Variants in TXN observed in about 807,000 individuals in gnomAD.
TXN encodes the protein thioredoxin.
A neutral mutation model predicts 16.5 loss-of-function variants in TXN; 10 were observed. The ratio of observed to expected loss-of-function variants is 0.61; its 90% CI spans 0.37 to 1.03. The LOEUF (loss-of-function observed/expected upper bound fraction) is 1.03, where lower values mean the gene tolerates loss of function less well. TXN is among the 50% of genes least tolerant of loss of function. The probability of loss-of-function intolerance (pLI) is 0.01; values close to 1 mark genes in which losing one functional copy is unlikely to be tolerated. For synonymous variants in TXN, 35 were observed against 39.4 expected, an observed-to-expected ratio of 0.89 and a Z score of 0.42; for missense variants, 71 against 122.5, an observed-to-expected ratio of 0.58 and a Z score of 1.98.
At chr9:110,254,052 T>A (rs4135173) in intron 1 of TXN, among the ~76,000 whole-genome samples, 2,057 of 152,246 alleles carry the variant, frequency 0.014, 51 homozygotes, top group African/African-American at 0.046. Context: ...TCATTTTTTT[T>A]AAAAGTGTTT....
At chr9:110,250,941 C>T in intron 2 of TXN, 62 bp from the exon 3 acceptor site, 1 of 1,199,398 alleles carries the variant, frequency 8.3e-7, no homozygotes, top group Non-Finnish European at 1.2e-6. Context: ...AATCAACATA[C>T]CCAAGCTTCT....
rs1473213045 is a variant in TXN at position 110,256,470 on chromosome 9, A to T, written c.-35T>A. ...TGGAGTCTGACGAGCGGCTGTAAGGACCGATGGAAATGGATCCAAAGCACC... is the reference window on the plus strand; with the variant it reads ...TGGAGTCTGACGAGCGGCTGTAAGGTCCGATGGAAATGGATCCAAAGCACC... On this transcript the variant is annotated 5_prime_UTR_variant, in exon 1 of 5. Transcript: ENST00000374517. This position sits in a 1 kb window ranked among gnomAD's most constrained non-coding sequence, Gnocchi z 4.2. 3.8e-6 allele frequency: 6 copies of T among 1,599,062 alleles called. No homozygotes were observed. Among genetic ancestry groups the T allele is most frequent in the Non-Finnish European group, 5.1e-6 (6 of 1,172,958 alleles).
intron 3 of TXN, among the ~76,000 whole-genome samples, chr9:110,247,154 C>T (rs1837669398): frequency 6.6e-6 from 1 of 152,010 alleles, no homozygotes; most frequent in Non-Finnish European, 1.5e-5. Context: ...AAAATGCTGT[C>T]TCTACTAAAA....
chr9:110,244,249 A>G (rs1243506323), intron 4 of TXN, 30 bp from the exon 5 acceptor site: 2 of 1,437,954 alleles, frequency 1.4e-6, no homozygotes. Flanking sequence ...TTGACATTAG[A>G]CGTAGCACTG....
chr9:110,244,342 A>ATATATATACATATAC (rs1587919701), intron 4 of TXN, 123 bp from the exon 5 acceptor site: 1 of 180,450 alleles, frequency 5.5e-6, no homozygotes, highest in Non-Finnish European at 1.0e-5. Context: ...CATATGTATA[A>ATATATATACATATAC]ATATGTATTC....
intron 3 of TXN, among the ~76,000 whole-genome samples, chr9:110,246,043 C>G (rs918768207): frequency 1.3e-5 from 2 of 151,784 alleles, no homozygotes; most frequent in Non-Finnish European, 2.9e-5. Flanking sequence ...CCAGCCTGGG[C>G]GACAGAATGA....
At chr9:110,253,150 TAAAC>T (rs1316280379) in intron 1 of TXN, among the ~76,000 whole-genome samples, 3 of 124,198 alleles carry the variant, frequency 2.4e-5, no homozygotes, top group Admixed American at 8.2e-5. Context: ...AAAAACCAAA[TAAAC>T]AAAAAAAAAC....
chr9:110,251,171 G>C (rs1346174460), intron 2 of TXN, among the ~76,000 whole-genome samples, 187 bp downstream of exon 2: 1 of 152,106 alleles, frequency 6.6e-6, no homozygotes, highest in African/African-American at 2.4e-5. Flanking sequence ...TCTAAAATTT[G>C]TTTTCAATGG....
At chr9:110,245,602 T>C (rs111612286) in intron 3 of TXN, among the ~76,000 whole-genome samples, 824 of 62,486 alleles carry the variant, frequency 0.013, 57 homozygotes, top group African/African-American at 0.043. Flanking sequence ...TGTATATATA[T>C]ACACACACAC....
intron 1 of TXN, among the ~76,000 whole-genome samples, chr9:110,251,972 T>C (rs534559059): frequency 6.6e-6 from 1 of 152,214 alleles, no homozygotes; most frequent in African/African-American, 2.4e-5. Context: ...ACACCTGTAA[T>C]CTCAGCACTT....
chr9:110,251,686 G>T (rs1023651110), intron 1 of TXN, among the ~76,000 whole-genome samples: 6 of 148,374 alleles, frequency 4.0e-5, no homozygotes, highest in African/African-American at 1.5e-4. Context: ...TTGATAAGAT[G>T]AAACAAGATA....
At position 110,251,434 on chromosome 9, in the gene TXN, G is replaced by A; in HGVS notation, c.53C>T (p.Ala18Val). Residue 18 changes from alanine to valine, a missense_variant, in exon 2 of 5, where the codon GCA becomes GTA. Physicochemically the swap from Ala to Val is moderately conservative, Grantham distance 64. Transcript: ENST00000374517. Reference sequence around the variant, plus strand: ...GTCAACTACTACAAGTTTATCACCTGCAGCGTCCAAGGCTTCCTGAAAAGC... The same window carrying A: ...GTCAACTACTACAAGTTTATCACCTACAGCGTCCAAGGCTTCCTGAAAAGC... The part of the protein sequence containing the change: ...KTAFQEALDA[A>V]GDKLVVVDFS... 6.2e-7 allele frequency: 1 copy of A among 1,611,856 alleles called. No individual in the cohort carries two copies. Among genetic ancestry groups the A allele is most frequent in the Non-Finnish European group, 8.5e-7 (1 of 1,179,670 alleles).
At position 110,250,869 on chromosome 9, in the gene TXN, T is replaced by A; in HGVS notation, c.140A>T (p.Glu47Val). ...AAGGAATATCACGTTGGAATACTTT[T>A]CAGAGAGGGACTGGAAAATTTAAAA... ...MIKPFFHSLSEKYSNVIFLEV... is the reference protein window; with the variant it reads ...MIKPFFHSLSVKYSNVIFLEV... Residue 47 changes from glutamate to valine, a missense_variant, in exon 3 of 5, where the codon GAA becomes GTA. Transcript: ENST00000374517. 6.2e-7 allele frequency: 1 copy of A among 1,610,552 alleles called. No homozygotes were observed. The highest frequency in any genetic ancestry group is 8.5e-7 in the Non-Finnish European group (1 of 1,179,002).
At chr9:110,244,967 A>AT (rs1419308667) in intron 3 of TXN, 124 bp from the exon 4 acceptor site, 7 of 613,262 alleles carry the variant, frequency 1.1e-5, no homozygotes, top group Admixed American at 5.2e-5. Context: ...GCATGAGGAC[A>AT]TTTTTCAGCA....
chr9:110,248,688 CTT>C, intron 3 of TXN, among the ~76,000 whole-genome samples: 1 of 152,180 alleles, frequency 6.6e-6, no homozygotes. Flanking sequence ...AAGAGACTGA[CTT>C]TACCTTCTGT....
chr9:110,253,433 T>C (rs1837766711), intron 1 of TXN, among the ~76,000 whole-genome samples: 1 of 152,200 alleles, frequency 6.6e-6, no homozygotes, highest in African/African-American at 2.4e-5. Flanking sequence ...ATTCAAAGCC[T>C]TCCCTAATGT....
chr9:110,245,654 A>ATATATATATATATATATT (rs1232332404), intron 3 of TXN, among the ~76,000 whole-genome samples: 1 of 21,786 alleles, frequency 4.6e-5, no homozygotes, highest in South Asian at 2.4e-3. Context: ...ATATATATAT[A>ATATATATATATATATATT]TTTTTTTTTT....
chr9:110,246,276 A>G (rs1331529892), intron 3 of TXN, among the ~76,000 whole-genome samples: 1 of 152,034 alleles, frequency 6.6e-6, no homozygotes, highest in Non-Finnish European at 1.5e-5. Flanking sequence ...GTTGATCCGT[A>G]TTTTCTCCTC....
intron 3 of TXN, among the ~76,000 whole-genome samples, chr9:110,246,442 G>C (rs1283507382): frequency 6.6e-6 from 1 of 152,126 alleles, no homozygotes; most frequent in Non-Finnish European, 1.5e-5. Flanking sequence ...AAGGTTTGGA[G>C]GACAATACCA....
Sources: allele counts gnomAD v4.1 joint callset (sites outside exome capture counted in the v4.1 genomes callset), GRCh38; gene constraint gnomAD v4.1.1; non-coding constraint Gnocchi (gnomAD v3.1); transcripts MANE v1.5; gene names NCBI Gene and HGNC (gene_info 2026-07-23, HGNC 2026-07-21).